RNF220: variants seen among roughly 807,000 people sequenced by gnomAD.
RNF220 encodes E3 ubiquitin-protein ligase RNF220.
In RNF220, 7 loss-of-function variants were observed where a neutral mutation model predicts 67.1. That is an observed-to-expected ratio of 0.10 (90% CI 0.06 to 0.20). RNF220 has a LOEUF of 0.20. RNF220 is among the 10% of genes least tolerant of loss of function. The pLI, the probability that RNF220 is intolerant of heterozygous loss-of-function variation, is 1.00. For missense variants in RNF220, 565 were observed against 740.3 expected (o/e 0.76, Z 2.75); for synonymous variants, 270 against 283.2 (o/e 0.95, Z 0.47).
chr1:44,454,154 T>C (rs960671543), intron 2 of RNF220, among the ~76,000 whole-genome samples: 4 of 152,186 alleles, frequency 2.6e-5, no homozygotes, highest in Admixed American at 2.0e-4. Flanking sequence ...GATCTGCTGA[T>C]ATGGCAGAAT....
chr1:44,535,804 G>A (rs1276161370), intron 2 of RNF220, among the ~76,000 whole-genome samples: 1 of 152,146 alleles, frequency 6.6e-6, no homozygotes, highest in Non-Finnish European at 1.5e-5. Context: ...TCTGGTCAGC[G>A]AGCAGACCTT....
At chr1:44,607,196 C>T (rs181679687) in intron 2 of RNF220, among the ~76,000 whole-genome samples, 1 of 152,372 alleles carries the variant, frequency 6.6e-6, no homozygotes, top group Non-Finnish European at 1.5e-5. Flanking sequence ...AGCCTTCCTG[C>T]ACTTGCTCTT....
intron 2 of RNF220, among the ~76,000 whole-genome samples, chr1:44,504,779 A>G (rs1488633600): frequency 6.6e-6 from 1 of 152,110 alleles, no homozygotes; most frequent in Non-Finnish European, 1.5e-5. Flanking sequence ...CCTTGCCAAA[A>G]GCACGTGACC....
chr1:44,555,588 CCTCAG>C (rs1663009786), intron 2 of RNF220, among the ~76,000 whole-genome samples: 1 of 151,460 alleles, frequency 6.6e-6, no homozygotes, highest in African/African-American at 2.4e-5. Flanking sequence ...CATTCTCCTG[CCTCAG>C]CCTCTGGAGT....
intron 2 of RNF220, among the ~76,000 whole-genome samples, chr1:44,489,809 GA>G (rs141093377): frequency 0.023 from 3,438 of 152,236 alleles, 155 homozygotes; most frequent in African/African-American, 0.079. Flanking sequence ...TGCTTCACCA[GA>G]ATCCCATTGG....
chr1:44,488,538 C>T (rs371771437), intron 2 of RNF220, among the ~76,000 whole-genome samples: 1 of 152,232 alleles, frequency 6.6e-6, no homozygotes, highest in South Asian at 2.1e-4. Flanking sequence ...TGGTCTTGAG[C>T]TCCTGAGCTC....
At chr1:44,640,526 G>A (rs1430248053) in intron 8 of RNF220, among the ~76,000 whole-genome samples, 1 of 152,272 alleles carries the variant, frequency 6.6e-6, no homozygotes, top group African/African-American at 2.4e-5. Context: ...GCAGGCAGAA[G>A]GAGCAAGTAT....
At chr1:44,477,779 C>G (rs1490041707) in intron 2 of RNF220, among the ~76,000 whole-genome samples, 2 of 152,218 alleles carry the variant, frequency 1.3e-5, no homozygotes, top group African/African-American at 4.8e-5. Flanking sequence ...TGGGTCACAT[C>G]TGCTAATGTG....
At chr1:44,616,425 C>T (rs911066307) in intron 3 of RNF220, among the ~76,000 whole-genome samples, 8 of 152,182 alleles carry the variant, frequency 5.3e-5, no homozygotes, top group Non-Finnish European at 7.3e-5. Context: ...CACAACAACC[C>T]TCTGAAGTAG....
intron 2 of RNF220, among the ~76,000 whole-genome samples, chr1:44,579,145 G>C (rs1011458947): frequency 1.3e-5 from 2 of 150,704 alleles, no homozygotes; most frequent in African/African-American, 4.9e-5. Flanking sequence ...GACAGATCGA[G>C]ACTCTGTCTC....
intron 3 of RNF220, among the ~76,000 whole-genome samples, chr1:44,615,515 T>G (rs1432089868): frequency 6.6e-6 from 1 of 152,236 alleles, no homozygotes; most frequent in African/African-American, 2.4e-5. Flanking sequence ...GTCATCAGAC[T>G]TGACTGATCC....
At chr1:44,421,067 C>T (rs1409806217) in intron 2 of RNF220, among the ~76,000 whole-genome samples, 1 of 152,164 alleles carries the variant, frequency 6.6e-6, no homozygotes, top group African/African-American at 2.4e-5. Flanking sequence ...CTTCTCCTCC[C>T]TTCATTATTA....
chr1:44,614,206 A>G lies in RNF220; in HGVS notation c.667A>G (p.Ile223Val), dbSNP rs562895472. The G allele has an allele frequency of 4.3e-6, 7 of 1,614,044 alleles. No individual in the cohort carries two copies. The South Asian group carries it at 4.4e-5, about 10-fold the overall frequency. Residue 223 changes from isoleucine (I) to valine (V), a missense_variant, in exon 3 of 15, where the codon ATT becomes GTT. Transcript: ENST00000361799. ...AAALFDSQAP[I>V]CPICQVLLRP... ...GGCATTGTTCGACAGCCAGGCCCCA[A>G]TTTGCCCCATCTGCCAGGTCCTGCT...
intron 2 of RNF220, among the ~76,000 whole-genome samples, chr1:44,510,593 G>T (rs1471180017): frequency 1.3e-5 from 2 of 152,106 alleles, no homozygotes; most frequent in African/African-American, 2.4e-5. Context: ...GAATTTTACT[G>T]CTCAAAGAAG....
intron 2 of RNF220, among the ~76,000 whole-genome samples, chr1:44,542,990 G>C (rs570143777): frequency 6.6e-6 from 1 of 152,126 alleles, no homozygotes; most frequent in Non-Finnish European, 1.5e-5. Flanking sequence ...CCTGTCTCTC[G>C]GCAGTGTTGC....
At chr1:44,593,700 A>T (rs1196484187) in intron 2 of RNF220, among the ~76,000 whole-genome samples, 1 of 152,240 alleles carries the variant, frequency 6.6e-6, no homozygotes, top group Non-Finnish European at 1.5e-5. Flanking sequence ...CCTGGGTGAC[A>T]GAGTGAGACC....
chr1:44,577,240 C>T (rs2148333284), intron 2 of RNF220, among the ~76,000 whole-genome samples: 1 of 152,296 alleles, frequency 6.6e-6, no homozygotes, highest in South Asian at 2.1e-4. Flanking sequence ...CGGCCACTGC[C>T]CAAGTACAAG....
intron 2 of RNF220, among the ~76,000 whole-genome samples, chr1:44,433,559 G>GT (rs1650637447): frequency 6.6e-6 from 1 of 152,180 alleles, no homozygotes; most frequent in Admixed American, 6.5e-5. Flanking sequence ...TCTTATATGT[G>GT]TTTAAGTTTT....
rs370295127 is a variant in RNF220 at position 44,530,817 on chromosome 1, G to A, written c.626-83348G>A. ...TGTCTCTACTAAAAATACAAAATTAGCCAGGCATGGTGGTGCACTCCTGTA... is the reference window on the plus strand; with the variant it reads ...TGTCTCTACTAAAAATACAAAATTAACCAGGCATGGTGGTGCACTCCTGTA... On this transcript the variant is annotated intron_variant, in intron 2 of 14. Coordinates refer to ENST00000361799, the MANE Select transcript of RNF220 (RefSeq NM_018150.4). Among the ~76,000 whole-genome samples the A allele has an allele frequency of 3.9e-5, 6 of 152,194 alleles. No homozygotes were observed. The East Asian group carries it at 5.8e-4, about 15-fold the overall frequency.
Sources: gnomAD v4.1 joint callset for allele counts (sites outside exome capture counted in the v4.1 genomes callset) on GRCh38, gnomAD v4.1.1 for gene constraint, MANE v1.5 for transcripts, NCBI Gene and HGNC (gene_info 2026-07-23, HGNC 2026-07-21) for gene names.